NDST3: variants seen among roughly 807,000 people sequenced by gnomAD.
NDST3 encodes the protein bifunctional heparan sulfate N-deacetylase/N-sulfotransferase 3.
In NDST3, 58 loss-of-function variants were observed where a neutral mutation model predicts 96.1. The observed-to-expected ratio is 0.60, with a 90% CI of 0.49 to 0.75. The LOEUF is 0.75. NDST3 is among the 30% of genes least tolerant of loss of function. The probability of loss-of-function intolerance (pLI) is 0.00; values close to 1 mark genes in which losing one functional copy is unlikely to be tolerated. For missense variants in NDST3, 788 were observed against 1,034.2 expected, an observed-to-expected ratio of 0.76 and a Z score of 3.27; for synonymous variants, 333 against 359.7, an observed-to-expected ratio of 0.93 and a Z score of 0.84.
At chr4:118,148,967 A>C (rs1734168237) in intron 6 of NDST3, among the ~76,000 whole-genome samples, 1 of 152,010 alleles carries the variant, frequency 6.6e-6, no homozygotes, top group South Asian at 2.1e-4. Flanking sequence ...TCAGCTTTCT[A>C]CATATGGCTA....
chr4:118,070,475 T>C (rs28555974), intron 2 of NDST3, among the ~76,000 whole-genome samples: 7 of 152,060 alleles, frequency 4.6e-5, no homozygotes, highest in African/African-American at 1.7e-4. Context: ...CCATCTGTTA[T>C]ATAACTTGTT....
chr4:118,137,655 C>T (rs1733221252), intron 4 of NDST3, among the ~76,000 whole-genome samples: 1 of 152,178 alleles, frequency 6.6e-6, no homozygotes, highest in Admixed American at 6.5e-5. Flanking sequence ...GGAAGGTGTT[C>T]TGTTCCTCTA....
At position 118,121,460 on chromosome 4, in the gene NDST3, T is replaced by G. The variant is rs77832472; in HGVS notation, c.1224+6500T>G. On this transcript the variant is annotated intron_variant, in intron 4 of 13. Transcript: ENST00000296499. Reference sequence around the variant, plus strand: ...CTAAGTTCTAGCACCTCCACATAGGTGGCAGAATCACAGAACATTAGAGAA... The same window carrying G: ...CTAAGTTCTAGCACCTCCACATAGGGGGCAGAATCACAGAACATTAGAGAA... 5.7e-3 allele frequency among the ~76,000 whole-genome samples: 868 copies of G among 152,296 alleles called. 4 individuals are homozygous for G. The highest frequency in any genetic ancestry group is 0.027 in the South Asian group (128 of 4,826).
Position 118,053,909 on chromosome 4 carries a change from A to G in NDST3, c.-2A>G. Reference sequence around the variant, plus strand: ...GGCATAGTTGGGGAAAGCACCTACAACATGAGTTTTATCATGAAGCTTCAC... The same window carrying G: ...GGCATAGTTGGGGAAAGCACCTACAGCATGAGTTTTATCATGAAGCTTCAC... On this transcript the variant is annotated 5_prime_UTR_variant, in exon 2 of 14. Transcript: ENST00000296499. 6.3e-7 allele frequency: 1 copy of G among 1,591,308 alleles called. No individual in the cohort carries two copies. The highest frequency in any genetic ancestry group is 8.6e-7 in the Non-Finnish European group (1 of 1,167,514).
chr4:118,086,048 GA>G (rs1728391780), intron 2 of NDST3, among the ~76,000 whole-genome samples: 1 of 152,110 alleles, frequency 6.6e-6, no homozygotes, highest in Non-Finnish European at 1.5e-5. Flanking sequence ...TATTTTACTT[GA>G]ATGAGGCAGT....
chr4:118,121,278 G>A (rs1477238079), intron 4 of NDST3, among the ~76,000 whole-genome samples: 8 of 152,136 alleles, frequency 5.3e-5, no homozygotes, highest in Admixed American at 5.2e-4. Flanking sequence ...TCCTTTAGCT[G>A]TGTTCCCTTG....
chr4:118,138,155 G>A lies in NDST3; in HGVS notation c.1326G>A (p.Trp442Ter). ...VQLYEAWKKV[W>*]NIKITSTEEY... is the part of the protein sequence containing the mutation. ...TTTATGAGGCCTGGAAGAAGGTCTG[G>A]AATATTAAAATCACCAGCACTGAAG... Residue 442 changes from tryptophan (W) to a stop codon, truncating the protein, a stop_gained, in exon 5 of 14, where the codon TGG (tryptophan) becomes TGA (stop). Coordinates refer to ENST00000296499, the MANE Select transcript of NDST3 (RefSeq NM_004784.3). LOFTEE classifies it high-confidence loss of function. 6.2e-7 allele frequency: 1 copy of A among 1,614,050 alleles called. No homozygotes were observed. Among genetic ancestry groups the A allele is most frequent in the Non-Finnish European group, 8.5e-7 (1 of 1,179,952 alleles).
Position 118,253,566 on chromosome 4 carries a change from A to G in NDST3, c.2467A>G (p.Ser823Gly), listed in dbSNP as rs1741904167. 6 of 1,612,594 alleles carry G rather than the reference A, an allele frequency of 3.7e-6. No individual in the cohort carries two copies. The highest frequency in any genetic ancestry group is 1.3e-5 in the African/African-American group (1 of 74,874). Residue 823 changes from serine to glycine, a missense_variant, in exon 13 of 14, where the codon AGC becomes GGC. By Grantham distance (56) the Ser-to-Gly change is moderately conservative (BLOSUM62 0). This residue lies in a region of NDST3 where 64 missense variants were observed against 68.5 expected (regional missense o/e 0.93). Transcript: ENST00000296499. ...AGGTAAAACAAAATGCCTTGGAAAG[A>G]GCAAAGGAAGAAAATACCCTCCAAT... ...EEGKTKCLGK[S>G]KGRKYPPMDS... is the part of the protein sequence containing the mutation.
chr4:118,201,652 T>G (rs962169674), intron 6 of NDST3, among the ~76,000 whole-genome samples: 1 of 152,192 alleles, frequency 6.6e-6, no homozygotes, highest in South Asian at 2.1e-4. Context: ...TGCCTGTTGA[T>G]TTGTTCAAGC....
At chr4:118,059,512 A>T (rs1195743427) in intron 2 of NDST3, among the ~76,000 whole-genome samples, 1 of 152,092 alleles carries the variant, frequency 6.6e-6, no homozygotes, top group Non-Finnish European at 1.5e-5. Flanking sequence ...AACTGTGAAA[A>T]ATAAGAGGTA....
chr4:118,246,806 G>A (rs554946360), intron 12 of NDST3, among the ~76,000 whole-genome samples: 1 of 152,198 alleles, frequency 6.6e-6, no homozygotes, highest in Non-Finnish European at 1.5e-5. Context: ...TATCACAAGA[G>A]AAACTGCCCC....
intron 7 of NDST3, among the ~76,000 whole-genome samples, chr4:118,224,906 A>G (rs558905353): frequency 6.6e-6 from 1 of 152,326 alleles, no homozygotes; most frequent in African/African-American, 2.4e-5. Flanking sequence ...GTTCAGTGAC[A>G]GATTCAATGA....
intron 2 of NDST3, among the ~76,000 whole-genome samples, chr4:118,081,083 C>A (rs1023793601): frequency 4.6e-5 from 7 of 152,278 alleles, no homozygotes; most frequent in African/African-American, 1.7e-4. Context: ...GAACCCATCT[C>A]ATCTTTAAAA....
At chr4:118,192,148 C>T (rs1315937179) in intron 6 of NDST3, among the ~76,000 whole-genome samples, 2 of 152,160 alleles carry the variant, frequency 1.3e-5, no homozygotes, top group African/African-American at 2.4e-5. Flanking sequence ...TTTTTTCCTA[C>T]AGTGCTGTTT....
intron 1 of NDST3, among the ~76,000 whole-genome samples, chr4:118,046,259 C>A (rs148028195): frequency 3.3e-5 from 5 of 152,284 alleles, no homozygotes; most frequent in Admixed American, 1.3e-4. Context: ...GGCCCCGCAT[C>A]CCCCATGGAC....
At chr4:118,189,805 G>A (rs542170853) in intron 6 of NDST3, among the ~76,000 whole-genome samples, 237 of 152,162 alleles carry the variant, frequency 1.6e-3, no homozygotes, top group African/African-American at 5.5e-3. Context: ...TTCCTCAAAA[G>A]AGAAAACCAA....
Position 118,194,475 on chromosome 4 carries a change from T to C in NDST3, c.1540-30016T>C, listed in dbSNP as rs1014245130. The C allele has an allele frequency of 4.1e-6, 3 of 725,788 alleles. No individual in the cohort carries two copies. The African/African-American group carries it at 5.2e-5, about 13-fold the overall frequency. 45.0% of individuals were successfully genotyped at this position (725,788 alleles called of 1,614,324 possible). ...ACCTCCCCTGCCTTCATGGCTGCTA[T>C]GGCAATGTCCCAAGCCTTGTTGACC... On this transcript the variant is annotated intron_variant, in intron 6 of 13. Coordinates refer to ENST00000296499, the MANE Select transcript of NDST3 (RefSeq NM_004784.3).
chr4:118,072,373 A>G (rs139314299), intron 2 of NDST3, among the ~76,000 whole-genome samples: 9 of 151,916 alleles, frequency 5.9e-5, no homozygotes, highest in Non-Finnish European at 8.8e-5. Flanking sequence ...ACGGAATGCT[A>G]TTCCTTTCTT....
intron 3 of NDST3, among the ~76,000 whole-genome samples, chr4:118,114,062 A>G (rs1730855040): frequency 6.6e-6 from 1 of 152,072 alleles, no homozygotes; most frequent in South Asian, 2.1e-4. Flanking sequence ...TGAAACCACC[A>G]AGAAACAACA....
Sources: allele counts gnomAD v4.1 joint callset (sites outside exome capture counted in the v4.1 genomes callset), GRCh38; gene constraint gnomAD v4.1.1; regional missense constraint gnomAD v4.1.1; transcripts MANE v1.5; gene names NCBI Gene and HGNC (gene_info 2026-07-23, HGNC 2026-07-21).